Variants in XXYLT1 observed in about 807,000 individuals in gnomAD.
The protein encoded by XXYLT1 is UDP-xylose:alpha-xyloside alpha-1,3-xylosyltransferase.
A neutral mutation model predicts 28.9 loss-of-function variants in XXYLT1; 20 were observed. The observed-to-expected ratio is 0.69, with a 90% CI of 0.49 to 1.00. XXYLT1 has a LOEUF of 1.00. XXYLT1 is among the 50% of genes least tolerant of loss of function. The pLI, the probability that XXYLT1 is intolerant of heterozygous loss-of-function variation, is 0.00. For missense variants in XXYLT1, 542 were observed against 560.1 expected (o/e 0.97, Z 0.33); for synonymous variants, 257 against 253.8 (o/e 1.01, Z -0.12).
intron 1 of XXYLT1, among the ~76,000 whole-genome samples, chr3:195,251,659 G>A (rs1325089170): frequency 6.6e-6 from 1 of 152,142 alleles, no homozygotes; most frequent in African/African-American, 2.4e-5. Context: ...AGCCACGCAG[G>A]TCTGCTCTCA....
Position 195,226,688 on chromosome 3 carries a change from GC to G in XXYLT1, c.652+20del. The G allele has an allele frequency of 6.2e-7, 1 of 1,609,578 alleles. No homozygotes were observed. Among genetic ancestry groups the G allele is most frequent in the Non-Finnish European group, 8.5e-7 (1 of 1,178,332 alleles). Reference sequence around the variant, plus strand: ...AAAAGTCAGACACCCAGGGGCTATTGCTCCTGGAAGCCCAGGTTACCTTTGG... The same window carrying G: ...AAAAGTCAGACACCCAGGGGCTATTGTCCTGGAAGCCCAGGTTACCTTTGG... On this transcript the variant is annotated intron_variant, in intron 2 of 3. Transcript: ENST00000310380.
intron 2 of XXYLT1, among the ~76,000 whole-genome samples, chr3:195,212,767 A>G (rs1039223249): frequency 6.6e-6 from 1 of 152,050 alleles, no homozygotes; most frequent in African/African-American, 2.4e-5. Context: ...CCACTGAAAA[A>G]CTGTCTTCTG....
At chr3:195,079,003 A>G (rs7653402) in intron 3 of XXYLT1, among the ~76,000 whole-genome samples, 42,050 of 151,990 alleles carry the variant, frequency 0.28, 6,598 homozygotes, top group East Asian at 0.64. Flanking sequence ...TCTGGCGGCA[A>G]CGTCCTGACC....
At chr3:195,253,242 G>T (rs1397123916) in intron 1 of XXYLT1, among the ~76,000 whole-genome samples, 1 of 152,058 alleles carries the variant, frequency 6.6e-6, no homozygotes, top group Non-Finnish European at 1.5e-5. Flanking sequence ...CATATTTCCA[G>T]GCTGGAACAA....
chr3:195,110,307 T>TGA (rs1717514593), intron 3 of XXYLT1, among the ~76,000 whole-genome samples: 1 of 3,722 alleles, frequency 2.7e-4, no homozygotes, highest in African/African-American at 9.5e-4. Flanking sequence ...GTGTGGTATA[T>TGA]GTGTGTGTGG....
At chr3:195,245,451 C>G (rs1362519391) in intron 1 of XXYLT1, among the ~76,000 whole-genome samples, 1 of 152,120 alleles carries the variant, frequency 6.6e-6, no homozygotes. Context: ...GCCACTGCAC[C>G]TGGCCCAATT....
chr3:195,168,576 C>A lies in XXYLT1; in HGVS notation c.653-11995G>T, dbSNP rs938425405. ...CAGTCACCCAGCAAGCATGGGCAGG[C>A]CCTGCTGAGAGAGGGCCCTGCCTAT... On this transcript the variant is annotated intron_variant, in intron 2 of 3. Coordinates refer to ENST00000310380, the MANE Select transcript of XXYLT1 (RefSeq NM_152531.5). The surrounding 1 kb of genome is among the most constrained non-coding windows in gnomAD (Gnocchi z 4.3). 6.6e-6 allele frequency among the ~76,000 whole-genome samples: 1 copy of A among 152,192 alleles called. No homozygotes were observed. The highest frequency in any genetic ancestry group is 1.5e-5 in the Non-Finnish European group (1 of 68,032).
At chr3:195,219,320 G>T (rs887673303) in intron 2 of XXYLT1, among the ~76,000 whole-genome samples, 1 of 152,182 alleles carries the variant, frequency 6.6e-6, no homozygotes, top group African/African-American at 2.4e-5. Flanking sequence ...ACCTCCCATG[G>T]CAGTGAGTAA....
At chr3:195,183,565 T>A (rs147035053) in intron 2 of XXYLT1, 1 of 152,350 alleles carries the variant, frequency 6.6e-6, no homozygotes, top group Non-Finnish European at 1.5e-5. Flanking sequence ...CTACGATTGG[T>A]CTGTCCTTTG....
At chr3:195,169,265 G>T (rs1223285084) in intron 2 of XXYLT1, among the ~76,000 whole-genome samples, 1 of 152,242 alleles carries the variant, frequency 6.6e-6, no homozygotes, top group African/African-American at 2.4e-5. Flanking sequence ...CGGCACGGCA[G>T]CCGGGTCCAA....
At chr3:195,087,709 T>C (rs1467750681) in intron 3 of XXYLT1, among the ~76,000 whole-genome samples, 1 of 152,196 alleles carries the variant, frequency 6.6e-6, no homozygotes, top group Non-Finnish European at 1.5e-5. Context: ...ACAGCTCTGG[T>C]GTACAGCTCC....
intron 1 of XXYLT1, among the ~76,000 whole-genome samples, chr3:195,259,397 C>T (rs1725598062): frequency 6.6e-6 from 1 of 152,228 alleles, no homozygotes; most frequent in Non-Finnish European, 1.5e-5. Context: ...CCCTGGTCAT[C>T]TTGACTTGTC....
intron 2 of XXYLT1, among the ~76,000 whole-genome samples, chr3:195,187,162 C>T (rs371878584): frequency 3.3e-4 from 50 of 150,478 alleles, no homozygotes; most frequent in African/African-American, 1.1e-3. Flanking sequence ...GACTTGAACC[C>T]GGGAGACGGA....
At chr3:195,219,663 C>T (rs1237881933) in intron 2 of XXYLT1, among the ~76,000 whole-genome samples, 1 of 152,224 alleles carries the variant, frequency 6.6e-6, no homozygotes, top group Non-Finnish European at 1.5e-5. Context: ...CTGAATCTTA[C>T]ACCAGCCTTT....
At chr3:195,123,348 C>T (rs1376320271) in intron 3 of XXYLT1, among the ~76,000 whole-genome samples, 1 of 152,144 alleles carries the variant, frequency 6.6e-6, no homozygotes, top group African/African-American at 2.4e-5. Context: ...GTCAGCAAGC[C>T]CCCCTCTCCT....
At chr3:195,138,567 T>G (rs1280052985) in intron 3 of XXYLT1, among the ~76,000 whole-genome samples, 1 of 152,062 alleles carries the variant, frequency 6.6e-6, no homozygotes, top group African/African-American at 2.4e-5. Flanking sequence ...TATAGAAAAG[T>G]GGGCTGGAGG....
chr3:195,250,146 C>G (rs1361713866), intron 1 of XXYLT1, among the ~76,000 whole-genome samples: 1 of 152,232 alleles, frequency 6.6e-6, no homozygotes, highest in Admixed American at 6.5e-5. Context: ...GCCTCCGACA[C>G]AGCAGCCCCT....
In XXYLT1 at chr3:195,078,534, C is replaced by T. The variant is rs1349773920; in HGVS notation, c.786-8423G>A. Among the ~76,000 whole-genome samples, 2 of 152,116 alleles carry T rather than the reference C, an allele frequency of 1.3e-5. No individual in the cohort carries two copies. The highest frequency in any genetic ancestry group is 6.5e-5 in the Admixed American group (1 of 15,282). On this transcript the variant is annotated intron_variant, in intron 3 of 3. Coordinates refer to ENST00000310380, the MANE Select transcript of XXYLT1 (RefSeq NM_152531.5). The surrounding 1 kb of genome is among the most constrained non-coding windows in gnomAD (Gnocchi z 5.0). ...CACCAAGTTCCCTCCAGCCTACCTC[C>T]CCCTCTTCCTCATCCCCATCCAAGC... is the stretch of plus-strand genomic sequence containing the variant.
chr3:195,081,588 G>A (rs779985259), intron 3 of XXYLT1, among the ~76,000 whole-genome samples: 7 of 151,902 alleles, frequency 4.6e-5, no homozygotes, highest in African/African-American at 1.2e-4. Flanking sequence ...GTCCCAGTCC[G>A]GAGCTTAAAT....
Sources: allele counts gnomAD v4.1 joint callset (sites outside exome capture counted in the v4.1 genomes callset), GRCh38; gene constraint gnomAD v4.1.1; non-coding constraint Gnocchi (gnomAD v3.1); transcripts MANE v1.5; gene names NCBI Gene and HGNC (gene_info 2026-07-23, HGNC 2026-07-21).